Variants in PDCD11 observed in about 807,000 individuals in gnomAD.
The protein encoded by PDCD11 is protein RRP5 homolog.
A neutral mutation model predicts 198.9 loss-of-function variants in PDCD11; 97 were observed. The ratio of observed to expected loss-of-function variants is 0.49; its 90% CI spans 0.41 to 0.58. PDCD11 has a LOEUF of 0.58. PDCD11 is among the 20% of genes least tolerant of loss of function. The probability of loss-of-function intolerance (pLI) is 0.00; values close to 1 mark genes in which losing one functional copy is unlikely to be tolerated. For missense variants in PDCD11, 2,102 were observed against 2,312.7 expected, an observed-to-expected ratio of 0.91 and a Z score of 1.87; for synonymous variants, 893 against 918.0, an observed-to-expected ratio of 0.97 and a Z score of 0.49.
At chr10:103,400,023 T>A (rs1437006792) in intron 2 of PDCD11, among the ~76,000 whole-genome samples, 4 of 152,130 alleles carry the variant, frequency 2.6e-5, no homozygotes, top group African/African-American at 4.8e-5. Context: ...ACATAGCTTG[T>A]TATGGTGGAA....
At chr10:103,424,028 C>T (rs1255657307) in intron 19 of PDCD11, among the ~76,000 whole-genome samples, 2 of 152,176 alleles carry the variant, frequency 1.3e-5, no homozygotes, top group African/African-American at 4.8e-5. Context: ...GGGTGGGAAT[C>T]TGGGGCTACT....
Position 103,443,186 on chromosome 10 carries a change from C to T in PDCD11, c.4977C>T (p.Asn1659=), listed in dbSNP as rs373372519. 1.1e-5 allele frequency: 18 copies of T among 1,597,654 alleles called. No homozygotes were observed. The highest frequency in any genetic ancestry group is 2.3e-5 in the East Asian group (1 of 44,396). The stretch of plus-strand genomic sequence containing the variant: ...CCAGAGAGGAGCAGGAGAAGCTGAA[C>T]GTGTGGGTGGCTCTGCTGAACCTGG... ...ISFREEQEKL[N]VWVALLNLEN... Residue 1659 remains asparagine (N), a synonymous_variant, in exon 33 of 36, where the codon AAC becomes AAT. Transcript: ENST00000369797.
At chr10:103,441,792 AG>A (rs746229286) in intron 30 of PDCD11, 33 bp from the exon 31 acceptor site, 2 of 1,603,366 alleles carry the variant, frequency 1.2e-6, no homozygotes, top group South Asian at 2.2e-5. Flanking sequence ...AGCCTGAGCC[AG>A]GTGCTTTCTT....
At chr10:103,426,190 G>C (rs1363881123) in intron 20 of PDCD11, among the ~76,000 whole-genome samples, 1 of 152,196 alleles carries the variant, frequency 6.6e-6, no homozygotes, top group African/African-American at 2.4e-5. Flanking sequence ...CTAGTGGGTT[G>C]CTGGCCTCAG....
intron 2 of PDCD11, among the ~76,000 whole-genome samples, chr10:103,398,785 G>A (rs1358491476): frequency 1.3e-5 from 2 of 152,172 alleles, no homozygotes; most frequent in African/African-American, 4.8e-5. Flanking sequence ...TTGGGAAGCC[G>A]AGGCAGGCGG....
chr10:103,440,950 C>T (rs762353525), intron 30 of PDCD11, 100 bp downstream of exon 30: 11 of 832,294 alleles, frequency 1.3e-5, no homozygotes, highest in East Asian at 2.7e-5. Flanking sequence ...CTATAAAATA[C>T]GAAAGCAGGG....
At chr10:103,407,424 G>A (rs1490893353) in intron 7 of PDCD11, among the ~76,000 whole-genome samples, 2 of 152,060 alleles carry the variant, frequency 1.3e-5, no homozygotes, top group Non-Finnish European at 2.9e-5. Context: ...TTAGCTGGGT[G>A]TGGTGGCGGG....
rs1036969131 is a variant in PDCD11 at position 103,400,663 on chromosome 10, G to T, written c.234+135G>T. 5 of 823,372 alleles carry T rather than the reference G, an allele frequency of 6.1e-6. No individual in the cohort carries two copies. The African/African-American group carries it at 7.0e-5, about 12-fold the overall frequency. The allele number at this position is 823,372 out of a possible 1,614,324, so 51.0% of individuals were successfully genotyped here. ...AATATATTATATTTCATGCGTGTGT[G>T]TGTAGAGATGCTTGGAATTTATGCT... is the stretch of plus-strand genomic sequence containing the variant. On this transcript the variant is annotated intron_variant, in intron 3 of 35. Transcript: ENST00000369797.
chr10:103,439,447 A>G (rs1159373879), intron 27 of PDCD11, among the ~76,000 whole-genome samples: 2 of 152,246 alleles, frequency 1.3e-5, no homozygotes, highest in Admixed American at 6.5e-5. Context: ...CATGTTCACA[A>G]GCACCTGATA....
In PDCD11 at chr10:103,400,325, G is replaced by A. The variant is rs538012862; in HGVS notation, c.103-72G>A. On this transcript the variant is annotated intron_variant, in intron 2 of 35. Coordinates refer to ENST00000369797, the MANE Select transcript of PDCD11 (RefSeq NM_014976.2). ...AACAAAGCAAGGTGAGTGATGACCT[G>A]AAATAGGAGGGAAAACTCAGATTGC... 196 of 1,436,366 alleles carry A rather than the reference G, an allele frequency of 1.4e-4. 3 individuals are homozygous for A. In the Middle Eastern group the frequency reaches 3.2e-3, roughly 23 times the overall value. 89.0% of individuals were successfully genotyped at this position (1,436,366 alleles called of 1,614,324 possible). A position where few individuals can be genotyped will look rare whatever the true frequency, so the allele number is the denominator to read the frequency against.
At chr10:103,415,814 C>T (rs2031075128) in intron 12 of PDCD11, among the ~76,000 whole-genome samples, 1 of 152,172 alleles carries the variant, frequency 6.6e-6, no homozygotes, top group Admixed American at 6.5e-5. Flanking sequence ...GCTGCCAAAA[C>T]ATGGGTGATT....
chr10:103,406,125 G>C lies in PDCD11; in HGVS notation c.688+17G>C. 6.2e-7 allele frequency: 1 copy of C among 1,613,672 alleles called. No individual in the cohort carries two copies. Among genetic ancestry groups the C allele is most frequent in the Non-Finnish European group, 8.5e-7 (1 of 1,179,742 alleles). Reference sequence around the variant, plus strand: ...AGAACAAAGGTGAGGGCAAGAAAAGGGGCCAGTACATGGTGGTGAGGTGGT... The same window carrying C: ...AGAACAAAGGTGAGGGCAAGAAAAGCGGCCAGTACATGGTGGTGAGGTGGT... On this transcript the variant is annotated intron_variant, in intron 6 of 35. Coordinates refer to ENST00000369797, the MANE Select transcript of PDCD11 (RefSeq NM_014976.2).
At chr10:103,416,373 C>CTA in intron 12 of PDCD11, 118 bp from the exon 13 acceptor site, 1 of 939,874 alleles carries the variant, frequency 1.1e-6, no homozygotes, top group South Asian at 1.5e-5. Context: ...AGAGGAAAAG[C>CTA]TATAGCAGGT....
At chr10:103,433,353 G>A (rs933632202) in intron 22 of PDCD11, among the ~76,000 whole-genome samples, 1 of 152,054 alleles carries the variant, frequency 6.6e-6, no homozygotes, top group African/African-American at 2.4e-5. Flanking sequence ...AAATTTAGCC[G>A]GGCCTGGGGC....
In PDCD11 at chr10:103,425,409, C is replaced by G; in HGVS notation, c.3189C>G (p.Ile1063Met). Residue 1063 changes from isoleucine to methionine, a missense_variant, in exon 20 of 36, where the codon ATC becomes ATG. By Grantham distance (10) the Ile-to-Met change is conservative (BLOSUM62 1). Coordinates refer to ENST00000369797, the MANE Select transcript of PDCD11 (RefSeq NM_014976.2). Reference sequence around the variant, plus strand: ...TGGAAGATGGCATTATTGGCTGTATCCATGCCTCCCACATTCTAGATGATG... The same window carrying G: ...TGGAAGATGGCATTATTGGCTGTATGCATGCCTCCCACATTCTAGATGATG... ...VTLEDGIIGC[I>M]HASHILDDVP... The G allele has an allele frequency of 6.2e-7, 1 of 1,614,068 alleles. No individual in the cohort carries two copies. The highest frequency in any genetic ancestry group is 1.3e-5 in the African/African-American group (1 of 75,016).
rs549702407 is a variant in PDCD11, at chr10:103,415,150, G to A, written c.1517G>A (p.Arg506Gln). 2.2e-5 allele frequency: 35 copies of A among 1,613,706 alleles called. No individual in the cohort carries two copies. The highest frequency in any genetic ancestry group is 1.9e-4 in the South Asian group (17 of 91,038). The change falls in exon 12 of 36, where the codon CGG (arginine) becomes CAG (glutamine). Residue 506 changes from arginine to glutamine, a missense_variant and splice_region_variant. Arg to Gln is a conservative substitution (Grantham distance 43). Transcript: ENST00000369797. Reference sequence around the variant, plus strand: ...CACATCGGGGATGAGGTCAAGTGCCGGGTGAGCCTCCTGAAGGGTCTCTTG... The same window carrying A: ...CACATCGGGGATGAGGTCAAGTGCCAGGTGAGCCTCCTGAAGGGTCTCTTG... ...KYHIGDEVKC[R>Q]VLLCDPEAKK... is the part of the protein sequence containing the mutation.
chr10:103,432,113 T>G lies in PDCD11; in HGVS notation c.3369-16T>G. ...CAGAGATGGGTTTACTGTTTACATT[T>G]CCTTTCTGCAAACAGTGAGCTGGAG... is the stretch of plus-strand genomic sequence containing the variant. On this transcript the variant is annotated splice_polypyrimidine_tract_variant and intron_variant, in intron 21 of 35. Coordinates refer to ENST00000369797, the MANE Select transcript of PDCD11 (RefSeq NM_014976.2). 2 of 1,584,374 alleles carry G rather than the reference T, an allele frequency of 1.3e-6. No homozygotes were observed. The highest frequency in any genetic ancestry group is 1.7e-6 in the Non-Finnish European group (2 of 1,152,876).
Position 103,438,005 on chromosome 10 carries a change from C to T in PDCD11, c.3846-10C>T. On this transcript the variant is annotated splice_polypyrimidine_tract_variant and intron_variant, in intron 25 of 35. Transcript: ENST00000369797. ...AATTGAGCGTTTCCTTCTCTTTTGC[C>T]TTCATTCAGATGTTACATCCTGTCC... The T allele has an allele frequency of 1.9e-6, 3 of 1,611,806 alleles. No homozygotes were observed. Among genetic ancestry groups the T allele is most frequent in the Non-Finnish European group, 2.5e-6 (3 of 1,178,102 alleles).
chr10:103,399,066 C>G (rs1299472166), intron 2 of PDCD11, among the ~76,000 whole-genome samples: 1 of 149,108 alleles, frequency 6.7e-6, no homozygotes, highest in Non-Finnish European at 1.5e-5. Flanking sequence ...CTTAGACACT[C>G]TTTGCCATGT....
Sources: gnomAD v4.1 joint callset for allele counts (sites outside exome capture counted in the v4.1 genomes callset) on GRCh38, gnomAD v4.1.1 for gene constraint, MANE v1.5 for transcripts, NCBI Gene and HGNC (gene_info 2026-07-23, HGNC 2026-07-21) for gene names.